FAM168B: variants seen among roughly 807,000 people sequenced by gnomAD.
The protein encoded by FAM168B is myelin-associated neurite-outgrowth inhibitor.
Under a neutral mutation model 21.8 loss-of-function variants are expected in FAM168B, and 19 were observed. That is an observed-to-expected ratio of 0.87 (90% confidence interval 0.61 to 1.28). The LOEUF is 1.28. Among genes scored for constraint, FAM168B ranks in the 50% most tolerant of loss-of-function variants. The probability of loss-of-function intolerance (pLI) is 0.00; values close to 1 mark genes in which losing one functional copy is unlikely to be tolerated. For synonymous variants in FAM168B, 126 were observed against 104.8 expected (o/e 1.20, Z -1.24); for missense variants, 233 against 263.1 (o/e 0.89, Z 0.79).
intron 2 of FAM168B, among the ~76,000 whole-genome samples, chr2:131,075,413 T>C (rs1204276845): frequency 1.3e-5 from 2 of 152,192 alleles, no homozygotes; most frequent in African/African-American, 4.8e-5. Flanking sequence ...AGGGCTGCTC[T>C]GGATTTGTTT....
In FAM168B at chr2:131,049,128, T is replaced by A. The variant is rs1410187277; in HGVS notation, c.*3337A>T. On this transcript the variant is annotated 3_prime_UTR_variant, in exon 7 of 7. Coordinates refer to ENST00000389915, the MANE Select transcript of FAM168B (RefSeq NM_001009993.4). ...CCTTACGGGGGCCAACACTGACAGG[T>A]ATTAGTACGTCGCAAGTTGCTGTAA... 1.0e-6 allele frequency: 1 copy of A among 985,328 alleles called. No individual in the cohort carries two copies. Among genetic ancestry groups the A allele is most frequent in the Non-Finnish European group, 1.2e-6 (1 of 829,942 alleles). 61.0% of individuals were successfully genotyped at this position (985,328 alleles called of 1,614,324 possible).
Position 131,049,856 on chromosome 2 carries a change from A to G in FAM168B, c.*2609T>C. 5 of 985,780 alleles carry G rather than the reference A, an allele frequency of 5.1e-6. No individual in the cohort carries two copies. Among genetic ancestry groups the G allele is most frequent in the Non-Finnish European group, 6.0e-6 (5 of 829,910 alleles). 61.1% of individuals were successfully genotyped at this position (985,780 alleles called of 1,614,324 possible). A position where few individuals can be genotyped will look rare whatever the true frequency, so the allele number is the denominator to read the frequency against. ...GTAACAGAATTTTGACCCAAGTTCT[A>G]TTTCTTAATTGACTTTAATTTTACT... On this transcript the variant is annotated 3_prime_UTR_variant, in exon 7 of 7. Transcript: ENST00000389915.
At chr2:131,076,522 G>A (rs1352805125) in intron 2 of FAM168B, among the ~76,000 whole-genome samples, 3 of 151,668 alleles carry the variant, frequency 2.0e-5, no homozygotes, top group Middle Eastern at 3.2e-3. Context: ...GTGCAGTGGC[G>A]GGCTCCTGTA....
At chr2:131,065,661 C>G (rs888157926) in intron 3 of FAM168B, among the ~76,000 whole-genome samples, 18 of 151,728 alleles carry the variant, frequency 1.2e-4, no homozygotes, top group African/African-American at 4.4e-4. Context: ...TGGTGGAGAG[C>G]GCCTGTAATT....
At chr2:131,092,825 ATTATCT>A (rs1694102935) in intron 1 of FAM168B, among the ~76,000 whole-genome samples, 1 of 152,194 alleles carries the variant, frequency 6.6e-6, no homozygotes, top group African/African-American at 2.4e-5. Context: ...AAAAATAAAA[ATTATCT>A]TTACTTCGTG....
intron 2 of FAM168B, among the ~76,000 whole-genome samples, chr2:131,080,732 C>T (rs976769192): frequency 1.8e-4 from 28 of 151,390 alleles, no homozygotes; most frequent in Non-Finnish European, 8.9e-5. Context: ...TGCAGTGGCA[C>T]GATCTCAGCT....
chr2:131,052,471 A>T lies in FAM168B; in HGVS notation c.*13-19T>A. 1.0e-6 allele frequency: 1 copy of T among 999,282 alleles called. No homozygotes were observed. The highest frequency in any genetic ancestry group is 1.2e-6 in the Non-Finnish European group (1 of 837,736). The allele number at this position is 999,282 out of a possible 1,614,324, so 61.9% of individuals were successfully genotyped here. A position where few individuals can be genotyped will look rare whatever the true frequency, so the allele number is the denominator to read the frequency against. The stretch of plus-strand genomic sequence containing the variant: ...CTCAAACCTGCAGAAAGGAAGACAG[A>T]CACTCAGTCACACAGAGCTCTTCCG... On this transcript the variant is annotated intron_variant, in intron 6 of 6. Transcript: ENST00000389915.
chr2:131,049,224 C>G lies in FAM168B; in HGVS notation c.*3241G>C. 1.0e-6 allele frequency: 1 copy of G among 985,410 alleles called. No individual in the cohort carries two copies. The highest frequency in any genetic ancestry group is 4.7e-5 in the South Asian group (1 of 21,280). The allele number at this position is 985,410 out of a possible 1,614,324, so 61.0% of individuals were successfully genotyped here. A position where few individuals can be genotyped will look rare whatever the true frequency, so the allele number is the denominator to read the frequency against. On this transcript the variant is annotated 3_prime_UTR_variant, in exon 7 of 7. Coordinates refer to ENST00000389915, the MANE Select transcript of FAM168B (RefSeq NM_001009993.4). ...AAATTATTTCCTAGACCTCATTCAT[C>G]ACAGCCAGATGATGCCACCAGAAAG...
chr2:131,066,339 C>T (rs1225666147), intron 3 of FAM168B, among the ~76,000 whole-genome samples: 3 of 151,990 alleles, frequency 2.0e-5, no homozygotes, highest in Non-Finnish European at 4.4e-5. Flanking sequence ...CCACACCCGG[C>T]TAATTTTCTG....
chr2:131,063,106 G>C (rs528691521), intron 3 of FAM168B, among the ~76,000 whole-genome samples: 1 of 152,258 alleles, frequency 6.6e-6, no homozygotes, highest in African/African-American at 2.4e-5. Flanking sequence ...AATCTTAGCA[G>C]TCCATATATA....
intron 3 of FAM168B, among the ~76,000 whole-genome samples, chr2:131,063,351 T>TAAACA (rs1692399488): frequency 1.3e-5 from 2 of 152,210 alleles, no homozygotes; most frequent in South Asian, 4.1e-4. Flanking sequence ...TTCTTATGAC[T>TAAACA]GTGAGGCTAC....
At chr2:131,091,648 C>T (rs74750885) in intron 1 of FAM168B, among the ~76,000 whole-genome samples, 1 of 125,268 alleles carries the variant, frequency 8.0e-6, no homozygotes. Context: ...CTCCGTCTCA[C>T]AAAAAAAAAA....
chr2:131,056,454 G>A lies in FAM168B; in HGVS notation c.155-759C>T, dbSNP rs568949204. Among the ~76,000 whole-genome samples the A allele has an allele frequency of 4.6e-5, 7 of 152,236 alleles. No homozygotes were observed. In the East Asian group the frequency reaches 5.8e-4, roughly 13 times the overall value. ...AGGAGCAGCTGGCACCAAGAGAGCCGTTCCCCAAAGCCCTGCAAACTGCTG... is the reference window on the plus strand; with the variant it reads ...AGGAGCAGCTGGCACCAAGAGAGCCATTCCCCAAAGCCCTGCAAACTGCTG... On this transcript the variant is annotated intron_variant, in intron 3 of 6. Transcript: ENST00000389915.
At chr2:131,086,670 G>C (rs1356328171) in intron 1 of FAM168B, among the ~76,000 whole-genome samples, 1 of 152,182 alleles carries the variant, frequency 6.6e-6, no homozygotes, top group Non-Finnish European at 1.5e-5. Context: ...AACTTCAACA[G>C]TCCTATGTAG....
At position 131,052,143 on chromosome 2, in the gene FAM168B, G is replaced by A; in HGVS notation, c.*322C>T. 1 of 985,790 alleles carries A rather than the reference G, an allele frequency of 1.0e-6. No homozygotes were observed. The highest frequency in any genetic ancestry group is 1.2e-6 in the Non-Finnish European group (1 of 829,934). The allele number at this position is 985,790 out of a possible 1,614,324, so 61.1% of individuals were successfully genotyped here. A position where few individuals can be genotyped will look rare whatever the true frequency, so the allele number is the denominator to read the frequency against. The stretch of plus-strand genomic sequence containing the variant: ...GCATCAGTCACTGCAGGTAGATTGA[G>A]CAAGCTTTTTGTGTTTGTTTTTTTA... On this transcript the variant is annotated 3_prime_UTR_variant, in exon 7 of 7. Coordinates refer to ENST00000389915, the MANE Select transcript of FAM168B (RefSeq NM_001009993.4).
At chr2:131,070,949 C>T (rs931880152) in intron 3 of FAM168B, among the ~76,000 whole-genome samples, 1 of 152,062 alleles carries the variant, frequency 6.6e-6, no homozygotes, top group Non-Finnish European at 1.5e-5. Flanking sequence ...AACACTAACC[C>T]GGGGAAAGAA....
In FAM168B at chr2:131,048,720, G is replaced by A. The variant is rs1691452815; in HGVS notation, c.*3745C>T. The A allele has an allele frequency of 2.3e-5, 23 of 987,550 alleles. No homozygotes were observed. The highest frequency in any genetic ancestry group is 4.7e-5 in the South Asian group (1 of 21,482). 61.2% of individuals were successfully genotyped at this position (987,550 alleles called of 1,614,324 possible). On this transcript the variant is annotated 3_prime_UTR_variant, in exon 7 of 7. Coordinates refer to ENST00000389915, the MANE Select transcript of FAM168B (RefSeq NM_001009993.4). ...CAGAGGGAACACTCACAAATGCAGA[G>A]GTACTAGAGGGGAGAAATACGTGCT...
rs1332315302 is a variant in FAM168B at position 131,048,943 on chromosome 2, T to G, written c.*3522A>C. On this transcript the variant is annotated 3_prime_UTR_variant, in exon 7 of 7. Coordinates refer to ENST00000389915, the MANE Select transcript of FAM168B (RefSeq NM_001009993.4). ...TCCAACAGTCAGCTGTCGGATAAGG[T>G]GAAGGTGGCCCAACTGCTCAGAGTA... is the stretch of plus-strand genomic sequence containing the variant. 1 of 985,654 alleles carries G rather than the reference T, an allele frequency of 1.0e-6. No individual in the cohort carries two copies. The highest frequency in any genetic ancestry group is 1.2e-6 in the Non-Finnish European group (1 of 829,992). The allele number at this position is 985,654 out of a possible 1,614,324, so 61.1% of individuals were successfully genotyped here.
intron 2 of FAM168B, among the ~76,000 whole-genome samples, chr2:131,079,339 G>C (rs965002467): frequency 6.6e-6 from 1 of 152,178 alleles, no homozygotes; most frequent in African/African-American, 2.4e-5. Flanking sequence ...GTGGTGGCAC[G>C]CACCACATAC....
Sources: allele counts gnomAD v4.1 joint callset (sites outside exome capture counted in the v4.1 genomes callset), GRCh38; gene constraint gnomAD v4.1.1; transcripts MANE v1.5; gene names NCBI Gene and HGNC (gene_info 2026-07-23, HGNC 2026-07-21).